UNC5A: variants seen among roughly 807,000 people sequenced by gnomAD.
UNC5A encodes unc-5 netrin receptor A.
In UNC5A, 20 loss-of-function variants were observed where a neutral mutation model predicts 87.4. The observed-to-expected ratio is 0.23, with a 90% CI of 0.16 to 0.33. UNC5A has a LOEUF of 0.33. UNC5A is among the 10% of genes least tolerant of loss of function. The pLI is 1.00. For synonymous variants in UNC5A, 438 were observed against 482.3 expected (o/e 0.91, Z 1.20); for missense variants, 844 against 1,133.4 (o/e 0.74, Z 3.67).
At position 176,880,756 on chromosome 5, in the gene UNC5A, T is replaced by G; in HGVS notation, c.*870T>G. ...CTGGTGCCCCACGCGGGGCCTGTCA[T>G]GTGAAGCTCGTGTCCTGACTTTGTC... is the stretch of plus-strand genomic sequence containing the variant. On this transcript the variant is annotated 3_prime_UTR_variant, in exon 15 of 15. Coordinates refer to ENST00000329542, the MANE Select transcript of UNC5A (RefSeq NM_133369.3). 4.4e-6 allele frequency: 1 copy of G among 227,430 alleles called. No homozygotes were observed. The highest frequency in any genetic ancestry group is 8.5e-6 in the Non-Finnish European group (1 of 117,536). 14.1% of individuals were successfully genotyped at this position (227,430 alleles called of 1,614,324 possible). A position where few individuals can be genotyped will look rare whatever the true frequency, so the allele number is the denominator to read the frequency against.
intron 1 of UNC5A, among the ~76,000 whole-genome samples, chr5:176,854,098 C>T (rs2113639753): frequency 6.6e-6 from 1 of 152,252 alleles, no homozygotes; most frequent in South Asian, 2.1e-4. Flanking sequence ...TGCACCCCAG[C>T]TTGCTGCTGG....
chr5:176,873,502 A>G (rs1174446111), intron 6 of UNC5A, among the ~76,000 whole-genome samples: 2 of 152,114 alleles, frequency 1.3e-5, no homozygotes, highest in Non-Finnish European at 2.9e-5. Flanking sequence ...TTGGGGAGGC[A>G]GACAGAGAGA....
At position 176,874,235 on chromosome 5, in the gene UNC5A, C is replaced by T. The variant is rs1233200766; in HGVS notation, c.1076-29C>T. ...GCTGGGGCAGGGATGCCCTAGGTGC[C>T]ATTGCCTGAGTCTGTCTTTATCCTG... On this transcript the variant is annotated intron_variant, in intron 7 of 14. Transcript: ENST00000329542. The surrounding 1 kb of genome is among the most constrained non-coding windows in gnomAD (Gnocchi z 7.6). 2 of 1,585,576 alleles carry T rather than the reference C, an allele frequency of 1.3e-6. No homozygotes were observed. The highest frequency in any genetic ancestry group is 1.7e-4 in the Middle Eastern group (1 of 5,940).
chr5:176,835,410 G>A (rs1308374221), intron 1 of UNC5A, among the ~76,000 whole-genome samples: 1 of 152,224 alleles, frequency 6.6e-6, no homozygotes, highest in Admixed American at 6.5e-5. Context: ...CTGTGGCTGG[G>A]AGAAATCCCC....
intron 1 of UNC5A, among the ~76,000 whole-genome samples, chr5:176,855,025 T>C (rs994789485): frequency 2.6e-5 from 4 of 152,140 alleles, no homozygotes; most frequent in East Asian, 3.9e-4. Context: ...AGATCCTGAC[T>C]CCAACTAGCT....
At chr5:176,845,838 A>C (rs1418074603) in intron 1 of UNC5A, among the ~76,000 whole-genome samples, 1 of 152,174 alleles carries the variant, frequency 6.6e-6, no homozygotes, top group African/African-American at 2.4e-5. Flanking sequence ...GGCGATGAGG[A>C]GTGTGCTATG....
rs200394553 is a variant in UNC5A at position 176,874,056 on chromosome 5, C to T, written c.975C>T (p.Leu325=). The change falls in exon 7 of 15, where the codon CTC becomes CTT. Residue 325 remains leucine (L), a synonymous_variant. Transcript: ENST00000329542. The surrounding 1 kb of genome is among the most constrained non-coding windows in gnomAD (Gnocchi z 7.6). ...TCCTGCTGCTGCTTGTCCTCATCCT[C>T]GTTTATTGCCGGAAGAAGGAGGGGC... The part of the protein sequence containing the change: ...CLVLLLLVLI[L]VYCRKKEGLD... The T allele has an allele frequency of 9.2e-5, 148 of 1,613,998 alleles. No homozygotes were observed. The highest frequency in any genetic ancestry group is 1.2e-4 in the Non-Finnish European group (138 of 1,179,994).
intron 1 of UNC5A, among the ~76,000 whole-genome samples, chr5:176,831,236 G>C (rs1283799361): frequency 6.6e-6 from 1 of 152,200 alleles, no homozygotes; most frequent in Non-Finnish European, 1.5e-5. Flanking sequence ...AGGTTGTAAA[G>C]TGTGATAAAA....
At chr5:176,845,622 G>A (rs1182511957) in intron 1 of UNC5A, among the ~76,000 whole-genome samples, 1 of 152,230 alleles carries the variant, frequency 6.6e-6, no homozygotes, top group Non-Finnish European at 1.5e-5. Flanking sequence ...CTGTACTGCG[G>A]TGAGCCAGGC....
At chr5:176,867,872 T>C (rs1458496054) in intron 2 of UNC5A, among the ~76,000 whole-genome samples, 2 of 151,864 alleles carry the variant, frequency 1.3e-5, no homozygotes, top group Admixed American at 6.5e-5. Flanking sequence ...TAACAAAGTA[T>C]AATGAATGGA....
chr5:176,870,237 C>A, intron 5 of UNC5A, 133 bp from the exon 6 acceptor site: 1 of 1,161,130 alleles, frequency 8.6e-7, no homozygotes, highest in Non-Finnish European at 1.2e-6. Context: ...TGGGCCTGGC[C>A]CTGGCTTTGC....
intron 1 of UNC5A, among the ~76,000 whole-genome samples, chr5:176,860,651 A>G (rs1446845536): frequency 6.6e-6 from 1 of 151,406 alleles, no homozygotes; most frequent in Non-Finnish European, 1.5e-5. Flanking sequence ...TCTTGGTCCC[A>G]CCCCCCAGCG....
At position 176,848,319 on chromosome 5, in the gene UNC5A, A is replaced by G. The variant is rs1444324129; in HGVS notation, c.71-14305A>G. 2.0e-5 allele frequency among the ~76,000 whole-genome samples: 3 copies of G among 152,000 alleles called. No individual in the cohort carries two copies. On this transcript the variant is annotated intron_variant, in intron 1 of 14. Coordinates refer to ENST00000329542, the MANE Select transcript of UNC5A (RefSeq NM_133369.3). This position sits in a 1 kb window ranked among gnomAD's most constrained non-coding sequence, Gnocchi z 5.8. Reference sequence around the variant, plus strand: ...GTGTGCAGGGATCTGAGGCCCTGGGACTCAGGGCCCAGACAGGGCAGCGGC... The same window carrying G: ...GTGTGCAGGGATCTGAGGCCCTGGGGCTCAGGGCCCAGACAGGGCAGCGGC...
intron 1 of UNC5A, among the ~76,000 whole-genome samples, chr5:176,817,498 G>T (rs1756619349): frequency 1.3e-5 from 2 of 152,158 alleles, no homozygotes. Context: ...CCTAATCGGG[G>T]CAGGGACCCA....
At position 176,862,724 on chromosome 5, in the gene UNC5A, G is replaced by T; in HGVS notation, c.171G>T (p.Lys57Asn). Residue 57 changes from lysine to asparagine, a missense_variant, in exon 2 of 15, where the codon AAG becomes AAT. Coordinates refer to ENST00000329542, the MANE Select transcript of UNC5A (RefSeq NM_133369.3). The stretch of plus-strand genomic sequence containing the variant: ...AGCCCGAGGATGTGTACATCGTCAA[G>T]AACAAGCCAGTGCTGCTTGTGTGCA... ...LVEPEDVYIVKNKPVLLVCKA... is the reference protein window; with the variant it reads ...LVEPEDVYIVNNKPVLLVCKA... The T allele has an allele frequency of 6.2e-7, 1 of 1,613,516 alleles. No homozygotes were observed. Among genetic ancestry groups the T allele is most frequent in the South Asian group, 1.1e-5 (1 of 91,076 alleles).
Position 176,869,105 on chromosome 5 carries a change from G to T in UNC5A, c.721+141G>T. On this transcript the variant is annotated intron_variant, in intron 5 of 14. Coordinates refer to ENST00000329542, the MANE Select transcript of UNC5A (RefSeq NM_133369.3). This position sits in a 1 kb window ranked among gnomAD's most constrained non-coding sequence, Gnocchi z 9.1. Reference sequence around the variant, plus strand: ...TGCCTGACTAGGCAGGATAAGCAAAGGGCTCTCTGTGACTGCTGGGGGCCC... The same window carrying T: ...TGCCTGACTAGGCAGGATAAGCAAATGGCTCTCTGTGACTGCTGGGGGCCC... The T allele has an allele frequency of 1.0e-6, 1 of 988,742 alleles. No individual in the cohort carries two copies. Among genetic ancestry groups the T allele is most frequent in the Non-Finnish European group, 1.4e-6 (1 of 695,116 alleles). 61.2% of individuals were successfully genotyped at this position (988,742 alleles called of 1,614,324 possible).
At chr5:176,843,629 G>A (rs1237091111) in intron 1 of UNC5A, among the ~76,000 whole-genome samples, 1 of 152,258 alleles carries the variant, frequency 6.6e-6, no homozygotes, top group East Asian at 1.9e-4. Context: ...GGTGTAGTAA[G>A]TATGGAAGTG....
intron 1 of UNC5A, among the ~76,000 whole-genome samples, chr5:176,847,954 G>A (rs182337640): frequency 2.6e-4 from 40 of 152,148 alleles, no homozygotes; most frequent in Non-Finnish European, 4.3e-4. Context: ...CAGGTGAGGC[G>A]GAGGCCCAGG....
At chr5:176,823,511 C>T (rs919551402) in intron 1 of UNC5A, among the ~76,000 whole-genome samples, 15 of 152,208 alleles carry the variant, frequency 9.9e-5, no homozygotes, top group South Asian at 2.1e-4. Flanking sequence ...TGGGGCCATC[C>T]GGTTTCCTTT....
Sources: gnomAD v4.1 joint callset for allele counts (sites outside exome capture counted in the v4.1 genomes callset) on GRCh38, gnomAD v4.1.1 for gene constraint, Gnocchi (gnomAD v3.1) non-coding constraint, MANE v1.5 for transcripts, NCBI Gene and HGNC (gene_info 2026-07-23, HGNC 2026-07-21) for gene names.